Variants in OTC observed in about 807,000 individuals in gnomAD.
OTC encodes the protein ornithine transcarbamylase, also known as ornithine transcarbamylase, mitochondrial.
Under a neutral mutation model 30.3 loss-of-function variants are expected in OTC, and 3 were observed. That is an observed-to-expected ratio of 0.10 (90% CI 0.05 to 0.26). OTC has a LOEUF of 0.26. Among genes scored for constraint, OTC ranks in the 10% least tolerant of loss-of-function variants. The pLI is 1.00. For synonymous variants in OTC, 111 were observed against 99.7 expected (o/e 1.11, Z -0.67); for missense variants, 194 against 260.3 (o/e 0.75, Z 1.75).
At chrX:38,398,011 A>G (rs781160665) in intron 4 of OTC, among the ~76,000 whole-genome samples, 1 of 112,343 alleles carries the variant, frequency 8.9e-6, no homozygotes, top group South Asian at 3.7e-4. Context: ...GCATACTCCC[A>G]TGAAATTACA....
At chrX:38,401,074 A>G (rs180977607) in intron 4 of OTC, among the ~76,000 whole-genome samples, 8 of 112,222 alleles carry the variant, frequency 7.1e-5, no homozygotes, top group African/African-American at 2.6e-4. Flanking sequence ...TGGTCACTGG[A>G]TAAGTCGTGG....
chrX:38,349,514 A>C (rs1487835506), upstream of OTC, among the ~76,000 whole-genome samples: 4 of 112,620 alleles, frequency 3.6e-5, no homozygotes, highest in Non-Finnish European at 7.5e-5. Context: ...AGCAAGTTCA[A>C]TCCTCTCTGT....
At chrX:38,385,590 C>G (rs188035897) in intron 4 of OTC, among the ~76,000 whole-genome samples, 20 of 111,577 alleles carry the variant, frequency 1.8e-4, no homozygotes, top group Non-Finnish European at 3.2e-4. Context: ...AAGGCAGCAA[C>G]AAGCTGGATG....
the OTC span, among the ~76,000 whole-genome samples, chrX:38,344,995 A>G: frequency 1.4e-4 from 16 of 110,958 alleles, no homozygotes; most frequent in African/African-American, 4.9e-4. Flanking sequence ...ACTGTTCAAG[A>G]CCAGGAATGT....
At chrX:38,339,252 T>G in the OTC span, among the ~76,000 whole-genome samples, 1 of 111,583 alleles carries the variant, frequency 9.0e-6, no homozygotes, top group South Asian at 3.8e-4. Flanking sequence ...ACTAAGATAT[T>G]CAGGGCCCAT....
At chrX:38,340,802 T>C in the OTC span, among the ~76,000 whole-genome samples, 1 of 110,161 alleles carries the variant, frequency 9.1e-6, no homozygotes, top group African/African-American at 3.3e-5. Flanking sequence ...TTCTGATTTT[T>C]TTTTTCTTTT....
chrX:38,394,989 T>C (rs2068447838), intron 4 of OTC, among the ~76,000 whole-genome samples: 1 of 110,872 alleles, frequency 9.0e-6, no homozygotes, highest in African/African-American at 3.3e-5. Flanking sequence ...TTTTTGTTTT[T>C]TGAGACGAAA....
chrX:38,339,317 C>A, the OTC span, among the ~76,000 whole-genome samples: 7 of 111,144 alleles, frequency 6.3e-5, no homozygotes, highest in South Asian at 7.6e-4. Context: ...TCTCACAAAT[C>A]TAGTAAGGAA....
At position 38,408,933 on chromosome X, in the gene OTC, G is replaced by A; in HGVS notation, c.775G>A (p.Val259Ile). Residue 259 changes from valine (V) to isoleucine (I), a missense_variant, in exon 8 of 10, where the codon GTA becomes ATA. Coordinates refer to ENST00000039007, the MANE Select transcript of OTC (RefSeq NM_000531.6). ...ATTGGAAGCAGCGCATGGAGGCAAT[G>A]TATTAATTACAGACACTTGGATAAG... The part of the protein sequence containing the change: ...DPLEAAHGGN[V>I]LITDTWISMG... 1 of 1,081,537 alleles carries A rather than the reference G, an allele frequency of 9.2e-7. No individual in the cohort carries two copies. The highest frequency in any genetic ancestry group is 1.8e-5 in the South Asian group (1 of 55,094). The allele number at this position is 1,081,537 out of a possible 1,213,427, so 89.1% of individuals were successfully genotyped here.
chrX:38,413,674 T>G (rs767457904), intron 9 of OTC, among the ~76,000 whole-genome samples: 6,119 of 105,723 alleles, frequency 0.058, 461 homozygotes, highest in African/African-American at 0.2. Context: ...TATTTTTTTT[T>G]TTTGTTTTTT....
chrX:38,418,466 G>A (rs1196756439), intron 9 of OTC, among the ~76,000 whole-genome samples: 1 of 111,989 alleles, frequency 8.9e-6, no homozygotes, highest in African/African-American at 3.2e-5. Flanking sequence ...CTTTTGCTGT[G>A]CAGAAGCTTT....
At chrX:38,355,239 T>A (rs1450607530) in intron 1 of OTC, among the ~76,000 whole-genome samples, 1 of 111,306 alleles carries the variant, frequency 9.0e-6, no homozygotes, top group Non-Finnish European at 1.9e-5. Flanking sequence ...TTTAACAAGA[T>A]CGATAGGATC....
At chrX:38,417,158 G>A (rs73632484) in intron 9 of OTC, among the ~76,000 whole-genome samples, 4,299 of 111,579 alleles carry the variant, frequency 0.039, 228 homozygotes, top group African/African-American at 0.13. Flanking sequence ...TCTTTATGAA[G>A]GCAGTAAACC....
chrX:38,337,167 T>A, the OTC span, among the ~76,000 whole-genome samples: 2 of 112,159 alleles, frequency 1.8e-5, no homozygotes, highest in Non-Finnish European at 3.8e-5. Context: ...TAGTCAACAT[T>A]TTCCTGGTAG....
At chrX:38,360,697 A>G (rs1207856162) in intron 1 of OTC, among the ~76,000 whole-genome samples, 4 of 111,957 alleles carry the variant, frequency 3.6e-5, no homozygotes, top group Admixed American at 2.8e-4. Context: ...ACAAATTTCA[A>G]TTACCACAGT....
chrX:38,328,357 A>T, the OTC span, among the ~76,000 whole-genome samples: 1 of 112,602 alleles, frequency 8.9e-6, no homozygotes, highest in Non-Finnish European at 1.9e-5. Context: ...AAGAGGGGAC[A>T]TTAAACTATT....
At position 38,381,428 on chromosome X, in the gene OTC, C is replaced by G; in HGVS notation, c.385C>G (p.Arg129Gly). The part of the protein sequence containing the change: ...GVNESLTDTA[R>G]VLSSMADAVL... ...GAATGAAAGTCTCACGGACACGGCC[C>G]GGTTTGTAAATATTTTCTTCTCTCC... The change falls in exon 4 of 10, where the codon CGT becomes GGT. Residue 129 changes from arginine (R) to glycine (G), a missense_variant and splice_region_variant. Transcript: ENST00000039007. 8.6e-7 allele frequency: 1 copy of G among 1,164,003 alleles called. No individual in the cohort carries two copies. The highest frequency in any genetic ancestry group is 1.2e-6 in the Non-Finnish European group (1 of 852,733).
At chrX:38,403,436 C>T (rs1309745418) in intron 5 of OTC, among the ~76,000 whole-genome samples, 182 bp from the exon 6 acceptor site, 1 of 76,237 alleles carries the variant, frequency 1.3e-5, no homozygotes, top group Non-Finnish European at 2.3e-5. Context: ...CATTTTACCA[C>T]GTTTTTGGGA....
At chrX:38,332,738 C>G in the OTC span, among the ~76,000 whole-genome samples, 2 of 108,462 alleles carry the variant, frequency 1.8e-5, no homozygotes, top group Non-Finnish European at 3.8e-5. Flanking sequence ...TGGCTTAACA[C>G]AAAGAAGTTT....
Sources: allele counts gnomAD v4.1 joint callset (sites outside exome capture counted in the v4.1 genomes callset), GRCh38; gene constraint gnomAD v4.1.1; transcripts MANE v1.5; gene names NCBI Gene and HGNC (gene_info 2026-07-23, HGNC 2026-07-21).